The following NPTN variants were observed in gnomAD, a reference collection of about 807,000 sequenced individuals.
NPTN encodes the protein neuroplastin.
NPTN carries 5 observed loss-of-function variants against 42.7 expected under a neutral mutation model. The observed-to-expected ratio is 0.12, with a 90% CI of 0.06 to 0.25. NPTN has a LOEUF of 0.25. Among genes scored for constraint, NPTN ranks in the 10% least tolerant of loss-of-function variants. NPTN has a pLI of 1.00. For missense variants in NPTN, 307 were observed against 525.4 expected, an observed-to-expected ratio of 0.58 and a Z score of 4.06; for synonymous variants, 180 against 201.9, an observed-to-expected ratio of 0.89 and a Z score of 0.92.
chr15:73,597,007 G>T lies in NPTN; in HGVS notation c.439+15C>A. 6.2e-7 allele frequency: 1 copy of T among 1,605,384 alleles called. No homozygotes were observed. The highest frequency in any genetic ancestry group is 1.3e-5 in the African/African-American group (1 of 74,888). On this transcript the variant is annotated intron_variant, in intron 2 of 8. Coordinates refer to ENST00000345330, the MANE Select transcript of NPTN (RefSeq NM_012428.4). The surrounding 1 kb of genome is among the most constrained non-coding windows in gnomAD (Gnocchi z 6.3). ...TAATGACTACAGTACTACTACTGTA[G>T]GGTGCTGGACTCACTCTGAAGGACG...
At chr15:73,601,751 T>G (rs1228494523) in intron 1 of NPTN, among the ~76,000 whole-genome samples, 1 of 152,196 alleles carries the variant, frequency 6.6e-6, no homozygotes, top group Non-Finnish European at 1.5e-5. Flanking sequence ...GCAAGAGTTT[T>G]GGGAAAGTAT....
chr15:73,631,644 T>G (rs1353096362), intron 1 of NPTN, among the ~76,000 whole-genome samples: 1 of 152,226 alleles, frequency 6.6e-6, no homozygotes, highest in Non-Finnish European at 1.5e-5. Context: ...ATAAGAGTAA[T>G]CATAAATTGT....
intron 1 of NPTN, among the ~76,000 whole-genome samples, chr15:73,603,302 C>G (rs1897150782): frequency 6.6e-6 from 1 of 152,208 alleles, no homozygotes; most frequent in South Asian, 2.1e-4. Context: ...AGGCCACGGG[C>G]AGCAGCCTGC....
At chr15:73,603,808 T>C (rs1400193343) in intron 1 of NPTN, among the ~76,000 whole-genome samples, 1 of 152,224 alleles carries the variant, frequency 6.6e-6, no homozygotes, top group Non-Finnish European at 1.5e-5. Context: ...GAATCTGAGA[T>C]CATGTCACAT....
At chr15:73,590,755 C>T (rs926989907) in intron 3 of NPTN, among the ~76,000 whole-genome samples, 9 of 152,090 alleles carry the variant, frequency 5.9e-5, no homozygotes, top group Non-Finnish European at 1.2e-4. Flanking sequence ...GAACGAGACC[C>T]TGTCTCAATA....
chr15:73,594,553 C>G (rs1293824106), intron 2 of NPTN, among the ~76,000 whole-genome samples: 3 of 152,188 alleles, frequency 2.0e-5, no homozygotes, highest in African/African-American at 7.2e-5. Flanking sequence ...AAAAACAGTG[C>G]TACACCAAGT....
At chr15:73,563,964 T>C (rs1026269378) in intron 6 of NPTN, among the ~76,000 whole-genome samples, 1 of 152,238 alleles carries the variant, frequency 6.6e-6, no homozygotes, top group South Asian at 2.1e-4. Context: ...GGCTCACTCC[T>C]GTGCCCTGGC....
intron 1 of NPTN, among the ~76,000 whole-genome samples, chr15:73,618,016 A>C (rs1002279692): frequency 6.6e-6 from 1 of 152,238 alleles, no homozygotes; most frequent in Admixed American, 6.5e-5. Flanking sequence ...AGCAAATTCT[A>C]TGCTCCATGG....
chr15:73,623,199 A>C (rs923383006), intron 1 of NPTN, among the ~76,000 whole-genome samples: 2 of 152,210 alleles, frequency 1.3e-5, no homozygotes, highest in African/African-American at 4.8e-5. Flanking sequence ...CACGTATTGG[A>C]AGGATTTCAT....
chr15:73,567,003 T>A, intron 6 of NPTN: 1 of 3,954 alleles, frequency 2.5e-4, no homozygotes, highest in African/African-American at 5.0e-4. Flanking sequence ...GACATGGGGC[T>A]TTTTTTTTTT....
chr15:73,592,166 G>A, intron 2 of NPTN, 29 bp from the exon 3 acceptor site: 1 of 1,595,356 alleles, frequency 6.3e-7, no homozygotes, highest in African/African-American at 1.3e-5. Context: ...ATGATAGGGG[G>A]CAATAGCCTT....
intron 1 of NPTN, among the ~76,000 whole-genome samples, chr15:73,606,469 C>A (rs1372891657): frequency 6.6e-6 from 1 of 152,126 alleles, no homozygotes; most frequent in South Asian, 2.1e-4. Flanking sequence ...ATGTCTCATG[C>A]AGGGGAAACA....
At chr15:73,592,602 C>G (rs1037016583) in intron 2 of NPTN, among the ~76,000 whole-genome samples, 1 of 152,110 alleles carries the variant, frequency 6.6e-6, no homozygotes, top group African/African-American at 2.4e-5. Flanking sequence ...ATAGCTTTCC[C>G]CACATTTAAA....
intron 1 of NPTN, among the ~76,000 whole-genome samples, chr15:73,602,585 T>C (rs1897126613): frequency 6.6e-6 from 1 of 152,232 alleles, no homozygotes; most frequent in Non-Finnish European, 1.5e-5. Flanking sequence ...AGCCTGCCTA[T>C]CCTTCCTGTT....
At chr15:73,591,897 G>A in intron 3 of NPTN, 69 bp downstream of exon 3, 1 of 1,449,618 alleles carries the variant, frequency 6.9e-7, no homozygotes, top group Non-Finnish European at 9.4e-7. Context: ...CGCAACTATG[G>A]ATTATGAATG....
intron 4 of NPTN, among the ~76,000 whole-genome samples, chr15:73,574,980 C>A (rs888769325): frequency 2.0e-5 from 3 of 152,224 alleles, no homozygotes; most frequent in Admixed American, 2.0e-4. Context: ...CAATGCTTCA[C>A]CAGTTACAGT....
intron 2 of NPTN, among the ~76,000 whole-genome samples, chr15:73,596,311 C>G (rs909897818): frequency 2.6e-5 from 4 of 152,126 alleles, no homozygotes; most frequent in South Asian, 2.1e-4. Context: ...GCACATGCCA[C>G]GGTTTTAGAA....
intron 4 of NPTN, among the ~76,000 whole-genome samples, chr15:73,584,659 G>C (rs958857392): frequency 2.0e-5 from 3 of 150,222 alleles, no homozygotes; most frequent in Admixed American, 1.3e-4. Context: ...GACCGGCCCT[G>C]CTCCATCTTC....
chr15:73,618,053 A>T (rs1033532008), intron 1 of NPTN, among the ~76,000 whole-genome samples: 3 of 152,206 alleles, frequency 2.0e-5, no homozygotes, highest in Non-Finnish European at 1.5e-5. Context: ...ACAACGTTTC[A>T]CGTATGCTAC....
Sources: gnomAD v4.1 joint callset for allele counts (sites outside exome capture counted in the v4.1 genomes callset) on GRCh38, gnomAD v4.1.1 for gene constraint, Gnocchi (gnomAD v3.1) non-coding constraint, MANE v1.5 for transcripts, NCBI Gene and HGNC (gene_info 2026-07-23, HGNC 2026-07-21) for gene names.